Variants in SCAI observed in about 807,000 individuals in gnomAD.
SCAI encodes suppressor of cancer cell invasion.
SCAI carries 24 observed loss-of-function variants against 92.2 expected under a neutral mutation model. That is an observed-to-expected ratio of 0.26 (90% confidence interval 0.19 to 0.37). The LOEUF is 0.37. SCAI is among the 10% of genes least tolerant of loss of function. The pLI, the probability that SCAI is intolerant of heterozygous loss-of-function variation, is 1.00. For missense variants in SCAI, 450 were observed against 736.2 expected (o/e 0.61, Z 4.50); for synonymous variants, 261 against 258.6 (o/e 1.01, Z -0.09).
intron 2 of SCAI, among the ~76,000 whole-genome samples, chr9:125,100,864 G>C (rs543196439): frequency 1.3e-5 from 2 of 152,172 alleles, no homozygotes; most frequent in Admixed American, 6.5e-5. Context: ...GCAGAGAAAA[G>C]AGCAAGTGCA....
chr9:125,051,288 G>T (rs913749622), intron 3 of SCAI, among the ~76,000 whole-genome samples: 1 of 152,168 alleles, frequency 6.6e-6, no homozygotes, highest in Non-Finnish European at 1.5e-5. Context: ...CTCCCAAAGT[G>T]CTGGGATTAC....
intron 2 of SCAI, among the ~76,000 whole-genome samples, chr9:125,095,061 TG>T (rs1834517334): frequency 6.6e-6 from 1 of 152,250 alleles, no homozygotes; most frequent in East Asian, 1.9e-4. Context: ...AAGAACTTGC[TG>T]GGAGTACTGT....
rs150983142 is a variant in SCAI at position 125,042,615 on chromosome 9, A to ATGTGTGTGTGTGTGTGTG, written c.231-12894_231-12877dup. Among the ~76,000 whole-genome samples the ATGTGTGTGTGTGTGTGTG allele has an allele frequency of 5.8e-3, 606 of 104,964 alleles. 3 individuals are homozygous for ATGTGTGTGTGTGTGTGTG. Among genetic ancestry groups the ATGTGTGTGTGTGTGTGTG allele is most frequent in the Non-Finnish European group, 8.1e-3 (428 of 52,804 alleles). The allele number at this position is 104,964 out of a possible 152,430, so 68.9% of individuals were successfully genotyped here. ...CTAAATGCATGGCTTCCACCAGAGT[A>ATGTGTGTGTGTGTGTGTG]TGTGTGTGTGTGTGTGTGTACACAC... On this transcript the variant is annotated intron_variant, in intron 3 of 17. Coordinates refer to ENST00000336505, the MANE Select transcript of SCAI (RefSeq NM_001144877.3).
chr9:125,031,904 A>G (rs910023508), intron 3 of SCAI, among the ~76,000 whole-genome samples: 2 of 152,048 alleles, frequency 1.3e-5, no homozygotes, highest in African/African-American at 2.4e-5. Context: ...CAGCTTATCA[A>G]TTTAGAGCCA....
intron 2 of SCAI, among the ~76,000 whole-genome samples, chr9:125,106,122 A>AAAAAAATATATATATATATATAT (rs1554791724): frequency 1.1e-4 from 1 of 8,858 alleles, no homozygotes; most frequent in Non-Finnish European, 2.7e-4. Context: ...AAAAAAAAAA[A>AAAAAAATATATATATATATATAT]ATATATATAT....
At chr9:125,075,321 A>G (rs1393414180) in intron 2 of SCAI, among the ~76,000 whole-genome samples, 1 of 152,202 alleles carries the variant, frequency 6.6e-6, no homozygotes, top group Non-Finnish European at 1.5e-5. Flanking sequence ...AATGTAGGCA[A>G]AAGCCTCAAT....
At chr9:124,998,480 G>A (rs187265954) in intron 13 of SCAI, among the ~76,000 whole-genome samples, 1 of 152,240 alleles carries the variant, frequency 6.6e-6, no homozygotes, top group East Asian at 1.9e-4. Context: ...AATACTAGAG[G>A]TTGGGAAGGG....
In SCAI at chr9:124,976,121, A is replaced by G. The variant is rs1404979725; in HGVS notation, c.1392T>C (p.Ala464=). ...GGCAATGAGGGTACATACCTTGTAA[A>G]GCTTTTGGATATGCTGTAGGAGAAA... is the stretch of plus-strand genomic sequence containing the variant. ...CLLSPTAYPK[A]LQDQSQRGSL... Residue 464 remains alanine (A), a synonymous_variant, in exon 15 of 18, where the codon GCT becomes GCC. Coordinates refer to ENST00000336505, the MANE Select transcript of SCAI (RefSeq NM_001144877.3). 10 of 1,609,442 alleles carry G rather than the reference A, an allele frequency of 6.2e-6. No homozygotes were observed. Among genetic ancestry groups the G allele is most frequent in the African/African-American group, 4.0e-5 (3 of 74,838 alleles).
intron 14 of SCAI, among the ~76,000 whole-genome samples, chr9:124,977,613 A>G (rs1831787205): frequency 6.6e-6 from 1 of 152,184 alleles, no homozygotes; most frequent in African/African-American, 2.4e-5. Context: ...GGTCAAGGCT[A>G]CAATGAGCTC....
chr9:125,054,729 T>C (rs1271758638), intron 3 of SCAI, among the ~76,000 whole-genome samples: 1 of 152,208 alleles, frequency 6.6e-6, no homozygotes, highest in Non-Finnish European at 1.5e-5. Context: ...ACATCTCCTC[T>C]GCAGCATAAA....
intron 2 of SCAI, among the ~76,000 whole-genome samples, chr9:125,060,765 C>T (rs1189736368): frequency 2.0e-5 from 3 of 152,202 alleles, no homozygotes; most frequent in Non-Finnish European, 4.4e-5. Flanking sequence ...CCTTCCCAGC[C>T]ATGTGGACCT....
chr9:125,132,246 T>C (rs1835417782), intron 2 of SCAI, among the ~76,000 whole-genome samples: 1 of 152,100 alleles, frequency 6.6e-6, no homozygotes, highest in Non-Finnish European at 1.5e-5. Flanking sequence ...CCTGAGTAGC[T>C]GGGATTACAG....
chr9:125,122,860 C>A (rs1252315136), intron 2 of SCAI, among the ~76,000 whole-genome samples: 1 of 152,104 alleles, frequency 6.6e-6, no homozygotes, highest in Non-Finnish European at 1.5e-5. Flanking sequence ...GAGCCAAGAT[C>A]GCACCACCGC....
chr9:125,045,787 T>C (rs1833422270), intron 3 of SCAI, among the ~76,000 whole-genome samples: 1 of 151,068 alleles, frequency 6.6e-6, no homozygotes, highest in African/African-American at 2.4e-5. Flanking sequence ...GTTTTTCTCA[T>C]CTGTAGAACC....
intron 6 of SCAI, 53 bp from the exon 7 acceptor site, chr9:125,020,822 G>T (rs1010171664): frequency 2.5e-6 from 2 of 789,096 alleles, no homozygotes; most frequent in South Asian, 1.9e-5. Context: ...AATGCTTTTT[G>T]ATTTTTTTAA....
chr9:125,017,213 A>G (rs182603632), intron 9 of SCAI, among the ~76,000 whole-genome samples: 3 of 152,274 alleles, frequency 2.0e-5, no homozygotes, highest in Admixed American at 2.0e-4. Context: ...ACATAGTATG[A>G]AATATTCAGT....
chr9:125,007,269 C>A (rs771789658), intron 9 of SCAI, among the ~76,000 whole-genome samples: 13 of 152,076 alleles, frequency 8.5e-5, no homozygotes, highest in Non-Finnish European at 1.6e-4. Flanking sequence ...TTGTAGTTAG[C>A]ATAACTAGAG....
intron 2 of SCAI, among the ~76,000 whole-genome samples, chr9:125,068,622 A>G (rs531039718): frequency 6.6e-6 from 1 of 152,292 alleles, no homozygotes; most frequent in South Asian, 2.1e-4. Flanking sequence ...CAGGAGTTCA[A>G]GACCAGCCTG....
At chr9:125,019,895 G>A (rs1401999618) in intron 7 of SCAI, among the ~76,000 whole-genome samples, 1 of 151,808 alleles carries the variant, frequency 6.6e-6, no homozygotes, top group Non-Finnish European at 1.5e-5. Context: ...GCAACATGGT[G>A]AAACCCTGTC....
Sources: gnomAD v4.1 joint callset for allele counts (sites outside exome capture counted in the v4.1 genomes callset) on GRCh38, gnomAD v4.1.1 for gene constraint, MANE v1.5 for transcripts, NCBI Gene and HGNC (gene_info 2026-07-23, HGNC 2026-07-21) for gene names.